The following CTTNBP2NL variants were observed in gnomAD, a reference collection of about 807,000 sequenced individuals.
CTTNBP2NL encodes the protein CTTNBP2 N-terminal-like protein.
CTTNBP2NL carries 16 observed loss-of-function variants against 32.5 expected under a neutral mutation model. The observed-to-expected ratio is 0.49, with a 90% confidence interval of 0.33 to 0.75. The LOEUF (loss-of-function observed/expected upper bound fraction) is 0.75. Among genes scored for constraint, CTTNBP2NL ranks in the 30% least tolerant of loss-of-function variants. The pLI is 0.02. For synonymous variants in CTTNBP2NL, 298 were observed against 289.4 expected (o/e 1.03, Z -0.30); for missense variants, 645 against 756.0 (o/e 0.85, Z 1.72).
At chr1:112,413,716 A>G (rs1479855531) in intron 2 of CTTNBP2NL, among the ~76,000 whole-genome samples, 1 of 152,152 alleles carries the variant, frequency 6.6e-6, no homozygotes, top group Non-Finnish European at 1.5e-5. Flanking sequence ...CCCTGATACT[A>G]AAGTGAACGT....
At chr1:112,398,824 A>G (rs1042379691) in intron 1 of CTTNBP2NL, among the ~76,000 whole-genome samples, 30 of 151,620 alleles carry the variant, frequency 2.0e-4, no homozygotes, top group African/African-American at 7.0e-4. Context: ...TAACAAAAAA[A>G]AAAAAAAAAA....
intron 1 of CTTNBP2NL, among the ~76,000 whole-genome samples, chr1:112,398,554 G>A (rs1404281331): frequency 2.0e-5 from 3 of 152,140 alleles, no homozygotes; most frequent in African/African-American, 4.8e-5. Context: ...TAGTATAAAC[G>A]GCCTACTTGT....
chr1:112,431,736 A>G (rs1199762651), intron 3 of CTTNBP2NL, among the ~76,000 whole-genome samples: 1 of 152,206 alleles, frequency 6.6e-6, no homozygotes, highest in Non-Finnish European at 1.5e-5. Flanking sequence ...CTATGTACTG[A>G]CAGATCTCTC....
chr1:112,421,702 G>A lies in CTTNBP2NL; in HGVS notation c.99+5438G>A, dbSNP rs142980628. Among the ~76,000 whole-genome samples, 1,468 of 151,452 alleles carry A rather than the reference G, an allele frequency of 9.7e-3. 35 individuals are homozygous for A. The highest frequency in any genetic ancestry group is 0.034 in the African/African-American group (1,385 of 41,322). ...CTCAATTAAATCTTTGTTGTTATTA[G>A]TGGCACTTGGACATTATCTTGTTTT... On this transcript the variant is annotated intron_variant, in intron 3 of 5. Transcript: ENST00000271277.
intron 3 of CTTNBP2NL, among the ~76,000 whole-genome samples, chr1:112,440,139 A>G (rs1434314629): frequency 6.6e-6 from 1 of 152,172 alleles, no homozygotes; most frequent in Non-Finnish European, 1.5e-5. Flanking sequence ...AACCATTCAG[A>G]GCCTGGGCCC....
chr1:112,445,685 C>T (rs1374138198), intron 3 of CTTNBP2NL, among the ~76,000 whole-genome samples: 1 of 152,332 alleles, frequency 6.6e-6, no homozygotes, highest in East Asian at 1.9e-4. Flanking sequence ...TATGGAATTA[C>T]TATGAAGTAC....
At chr1:112,392,451 A>G (rs114456695), upstream of CTTNBP2NL, among the ~76,000 whole-genome samples, 1,493 of 152,322 alleles carry the variant, frequency 9.8e-3, 36 homozygotes, top group African/African-American at 0.034. Flanking sequence ...CATGCCTTTT[A>G]TCAATGAACT....
At chr1:112,442,748 T>C (rs1273324371) in intron 3 of CTTNBP2NL, among the ~76,000 whole-genome samples, 2 of 152,106 alleles carry the variant, frequency 1.3e-5, no homozygotes, top group African/African-American at 4.8e-5. Context: ...TGGAGTGCAG[T>C]GGAGCAATCT....
intron 2 of CTTNBP2NL, among the ~76,000 whole-genome samples, chr1:112,412,632 T>C (rs1211036747): frequency 6.8e-6 from 1 of 147,698 alleles, no homozygotes; most frequent in Non-Finnish European, 1.5e-5. Flanking sequence ...TTTTTTTTTT[T>C]TTGACACAGA....
intron 1 of CTTNBP2NL, among the ~76,000 whole-genome samples, chr1:112,401,800 T>G (rs1028869185): frequency 6.6e-6 from 1 of 152,158 alleles, no homozygotes; most frequent in African/African-American, 2.4e-5. Flanking sequence ...TGCCAGTTAT[T>G]TCCAAACTCT....
chr1:112,430,488 T>A (rs1020201699), intron 3 of CTTNBP2NL, among the ~76,000 whole-genome samples: 8 of 150,718 alleles, frequency 5.3e-5, no homozygotes, highest in Admixed American at 5.3e-4. Context: ...TCCACCCGCC[T>A]CGGCCTTCCA....
intron 3 of CTTNBP2NL, among the ~76,000 whole-genome samples, chr1:112,419,367 A>G (rs946856991): frequency 1.3e-5 from 2 of 152,318 alleles, no homozygotes; most frequent in Admixed American, 1.3e-4. Context: ...CAAATAATTT[A>G]CTTTCACTGA....
chr1:112,423,903 A>G (rs907532122), intron 3 of CTTNBP2NL, among the ~76,000 whole-genome samples: 1 of 151,992 alleles, frequency 6.6e-6, no homozygotes, highest in Non-Finnish European at 1.5e-5. Context: ...TTTTGTGTCT[A>G]GTAGAGACAG....
rs1443324495 is a variant in CTTNBP2NL at position 112,449,050 on chromosome 1, G to A, written c.208G>A (p.Gly70Ser). The change falls in exon 4 of 6, where the codon GGC (glycine) becomes AGC (serine). Residue 70 changes from glycine (G) to serine (S), a missense_variant. Coordinates refer to ENST00000271277, the MANE Select transcript of CTTNBP2NL (RefSeq NM_018704.3). The stretch of plus-strand genomic sequence containing the variant: ...TGAAACACTGAAGGAGAAAAATGAT[G>A]GCGAAAAGCAGCCAGTCTGCACAAA... ...DFETLKEKNDGEKQPVCTNPL... is the reference protein window; with the variant it reads ...DFETLKEKNDSEKQPVCTNPL... The A allele has an allele frequency of 6.2e-7, 1 of 1,612,386 alleles. No individual in the cohort carries two copies. Among genetic ancestry groups the A allele is most frequent in the African/African-American group, 1.3e-5 (1 of 74,902 alleles).
intron 1 of CTTNBP2NL, among the ~76,000 whole-genome samples, chr1:112,404,615 C>T (rs1359160772): frequency 6.6e-6 from 1 of 152,152 alleles, no homozygotes; most frequent in Non-Finnish European, 1.5e-5. Context: ...TGGTATTTTA[C>T]AAGTTATGGT....
At position 112,449,013 on chromosome 1, in the gene CTTNBP2NL, A is replaced by G. The variant is rs141723154; in HGVS notation, c.171A>G (p.Leu57=). The G allele has an allele frequency of 1.4e-5, 22 of 1,613,052 alleles. No individual in the cohort carries two copies. The African/African-American group carries it at 2.5e-4, about 19-fold the overall frequency. ...KYNISDPLMA[L]QRDFETLKEK... ...ACATCAGTGATCCTTTAATGGCTCTACAGAGAGATTTTGAAACACTGAAGG... is the reference window on the plus strand; with the variant it reads ...ACATCAGTGATCCTTTAATGGCTCTGCAGAGAGATTTTGAAACACTGAAGG... The change falls in exon 4 of 6, where the codon CTA becomes CTG. Residue 57 remains leucine (L), a synonymous_variant. Coordinates refer to ENST00000271277, the MANE Select transcript of CTTNBP2NL (RefSeq NM_018704.3).
intron 3 of CTTNBP2NL, among the ~76,000 whole-genome samples, chr1:112,419,556 T>TAA (rs5777112): frequency 4.3e-4 from 65 of 150,152 alleles, no homozygotes; most frequent in Middle Eastern, 3.5e-3. Flanking sequence ...CACCAAAAAT[T>TAA]AAAAAAAAAA....
chr1:112,417,902 G>GTT (rs35990299), intron 3 of CTTNBP2NL, among the ~76,000 whole-genome samples: 1 of 151,724 alleles, frequency 6.6e-6, no homozygotes, highest in East Asian at 1.9e-4. Flanking sequence ...TATTTGTATC[G>GTT]TTTTTGCTTA....
intron 1 of CTTNBP2NL, among the ~76,000 whole-genome samples, chr1:112,405,778 C>T (rs1042539776): frequency 6.6e-6 from 1 of 152,204 alleles, no homozygotes; most frequent in Non-Finnish European, 1.5e-5. Context: ...CACATTCACA[C>T]ATTCACACTC....
Sources: allele counts gnomAD v4.1 joint callset (sites outside exome capture counted in the v4.1 genomes callset), GRCh38; gene constraint gnomAD v4.1.1; transcripts MANE v1.5; gene names NCBI Gene and HGNC (gene_info 2026-07-23, HGNC 2026-07-21).